The following TRIM31 variants were observed in gnomAD, a reference collection of about 807,000 sequenced individuals.
TRIM31 encodes the protein tripartite motif containing 31, also known as E3 ubiquitin-protein ligase TRIM31.
A neutral mutation model predicts 40.6 loss-of-function variants in TRIM31; 31 were observed. The ratio of observed to expected loss-of-function variants is 0.76; its 90% CI spans 0.57 to 1.03. The LOEUF (loss-of-function observed/expected upper bound fraction) is 1.03, where lower values mean the gene tolerates loss of function less well. TRIM31 is among the 50% of genes least tolerant of loss of function. TRIM31 has a pLI of 0.00. For synonymous variants in TRIM31, 164 were observed against 193.9 expected (o/e 0.85, Z 1.28); for missense variants, 455 against 497.5 (o/e 0.91, Z 0.81).
Position 30,108,119 on chromosome 6 carries a change from C to T in TRIM31, c.817G>A (p.Glu273Lys). The T allele has an allele frequency of 6.2e-7, 1 of 1,610,000 alleles. No homozygotes were observed. Among genetic ancestry groups the T allele is most frequent in the Non-Finnish European group, 8.5e-7 (1 of 1,178,068 alleles). ...GATTTTGCTTCACTGAGTTTTTTCT[C>T]CAGTTCCAGAGGAACAGGGGTTGGG... ...LNPTPVPLEL[E>K]KKLSEAKSRH... Residue 273 changes from glutamate (E) to lysine (K), a missense_variant, in exon 6 of 9, where the codon GAG becomes AAG. Transcript: ENST00000376734.
intron 8 of TRIM31, 104 bp downstream of exon 8, chr6:30,103,998 C>CATTCATTT: frequency 1.5e-6 from 2 of 1,374,148 alleles, no homozygotes; most frequent in Non-Finnish European, 2.0e-6. Context: ...TAAATGAATT[C>CATTCATTT]ATTCATTTAT....
At chr6:30,112,116 T>C (rs4959042) in intron 2 of TRIM31, 9,476 of 561,042 alleles carry the variant, frequency 0.017, 231 homozygotes, top group East Asian at 0.058. Flanking sequence ...CCTTGCAGGT[T>C]GTACAGTAAA....
intron 4 of TRIM31, among the ~76,000 whole-genome samples, chr6:30,109,332 G>GC (rs9280893): frequency 0.25 from 37,968 of 152,164 alleles, 5,272 homozygotes; most frequent in Non-Finnish European, 0.31. Flanking sequence ...GAACAAGGGA[G>GC]CCTGCTAGCC....
At position 30,103,599 on chromosome 6, in the gene TRIM31, A is replaced by T. The variant is rs751644208; in HGVS notation, c.1215T>A (p.His405Gln). Residue 405 changes from histidine (H) to glutamine (Q), a missense_variant, in exon 9 of 9, where the codon CAT becomes CAA. Physicochemically the swap from His to Gln is conservative, Grantham distance 24. Coordinates refer to ENST00000376734, the MANE Select transcript of TRIM31 (RefSeq NM_007028.5). ...CTGTCAGCCACTCACTCAGTGCCGC[A>T]TGGAGCTCCTCGGACAGCGCAACGT... ...TFDVALSEEL[H>Q]AALSEWLTAI... is the part of the protein sequence containing the mutation. 13 of 1,613,008 alleles carry T rather than the reference A, an allele frequency of 8.1e-6. No individual in the cohort carries two copies. Among genetic ancestry groups the T allele is most frequent in the Non-Finnish European group, 1.0e-5 (12 of 1,180,048 alleles).
chr6:30,112,373 A>G lies in TRIM31; in HGVS notation c.417+16T>C. The stretch of plus-strand genomic sequence containing the variant: ...TGGGCTGATGGGGGAACAGGGAAGA[A>G]ACCTCAAATGCCTACCTGATAATTC... On this transcript the variant is annotated intron_variant, in intron 2 of 8. Transcript: ENST00000376734. The G allele has an allele frequency of 6.3e-7, 1 of 1,594,382 alleles. No individual in the cohort carries two copies. The highest frequency in any genetic ancestry group is 1.3e-5 in the African/African-American group (1 of 74,546).
At chr6:30,111,781 A>C (rs758394366) in intron 2 of TRIM31, 38 bp from the exon 3 acceptor site, 2 of 1,602,282 alleles carry the variant, frequency 1.2e-6, no homozygotes, top group African/African-American at 2.7e-5. Context: ...CTGTGCCTGG[A>C]GATTTCTGGC....
In TRIM31 at chr6:30,113,050, A is replaced by C; in HGVS notation, c.-84+14T>G. On this transcript the variant is annotated intron_variant, in intron 1 of 8. Transcript: ENST00000376734. Reference sequence around the variant, plus strand: ...AAATATTATAAAGAGAGGAAAACAGATGGGCAGTCCTACCTTGCTACCTCT... The same window carrying C: ...AAATATTATAAAGAGAGGAAAACAGCTGGGCAGTCCTACCTTGCTACCTCT... 4 of 490,004 alleles carry C rather than the reference A, an allele frequency of 8.2e-6. No homozygotes were observed. Among genetic ancestry groups the C allele is most frequent in the Non-Finnish European group, 1.1e-5 (3 of 282,212 alleles). 30.4% of individuals were successfully genotyped at this position (490,004 alleles called of 1,614,324 possible). A position where few individuals can be genotyped will look rare whatever the true frequency, so the allele number is the denominator to read the frequency against.
intron 4 of TRIM31, 61 bp downstream of exon 4, chr6:30,110,387 T>C: frequency 6.5e-7 from 1 of 1,540,166 alleles, no homozygotes; most frequent in Non-Finnish European, 8.9e-7. Flanking sequence ...TGGTCCATGC[T>C]CTGACCTGAG....
Position 30,110,508 on chromosome 6 carries a change from G to A in TRIM31, c.684C>T (p.Leu228=). The part of the protein sequence containing the change: ...VASTEPQLND[L]KKLVDSLKTK... ...TCTTCAGGGAATCAACGAGCTTCTT[G>A]AGATCGTTCAACTGTGGCTCAGTGG... Residue 228 remains leucine (L), a synonymous_variant, in exon 4 of 9, where the codon CTC becomes CTT. Coordinates refer to ENST00000376734, the MANE Select transcript of TRIM31 (RefSeq NM_007028.5). The A allele has an allele frequency of 3.1e-6, 5 of 1,614,170 alleles. No individual in the cohort carries two copies. The highest frequency in any genetic ancestry group is 4.2e-6 in the Non-Finnish European group (5 of 1,180,024).
chr6:30,110,831 A>G (rs11757693), intron 3 of TRIM31, among the ~76,000 whole-genome samples, 153 bp from the exon 4 acceptor site: 1 of 152,210 alleles, frequency 6.6e-6, no homozygotes, highest in Non-Finnish European at 1.5e-5. Flanking sequence ...GGAGAGGAGA[A>G]CAAACTTCTA....
At position 30,103,398 on chromosome 6, in the gene TRIM31, C is replaced by G. The variant is rs1417198440; in HGVS notation, c.*138G>C. ...GCCCCCATCTCCACTCTCAGTAGCCCGAGCCCTCCCATTCTCCACTCCTTC... is the reference window on the plus strand; with the variant it reads ...GCCCCCATCTCCACTCTCAGTAGCCGGAGCCCTCCCATTCTCCACTCCTTC... On this transcript the variant is annotated 3_prime_UTR_variant, in exon 9 of 9. Coordinates refer to ENST00000376734, the MANE Select transcript of TRIM31 (RefSeq NM_007028.5). 1.5e-6 allele frequency: 2 copies of G among 1,302,378 alleles called. No homozygotes were observed. Among genetic ancestry groups the G allele is most frequent in the Non-Finnish European group, 2.1e-6 (2 of 944,844 alleles). The allele number at this position is 1,302,378 out of a possible 1,614,324, so 80.7% of individuals were successfully genotyped here. A position where few individuals can be genotyped will look rare whatever the true frequency, so the allele number is the denominator to read the frequency against.
chr6:30,110,407 G>C, intron 4 of TRIM31, 41 bp downstream of exon 4: 1 of 1,591,048 alleles, frequency 6.3e-7, no homozygotes, highest in Non-Finnish European at 8.6e-7. Context: ...GACTAGGGAT[G>C]GGCTGCTACC....
At chr6:30,108,816 G>C (rs575143864) in intron 5 of TRIM31, 16 of 632,860 alleles carry the variant, frequency 2.5e-5, no homozygotes, top group African/African-American at 1.8e-5. Flanking sequence ...AAGGAGGAAG[G>C]CTGAGAAAAC....
chr6:30,110,696 G>A lies in TRIM31; in HGVS notation c.514-18C>T, dbSNP rs1362862205. On this transcript the variant is annotated intron_variant, in intron 3 of 8. Coordinates refer to ENST00000376734, the MANE Select transcript of TRIM31 (RefSeq NM_007028.5). ...ACCTGGTCCTAAGAAACAGGGACAGGCAGAGGGTGAGAGGATGGCCTCGAA... is the reference window on the plus strand; with the variant it reads ...ACCTGGTCCTAAGAAACAGGGACAGACAGAGGGTGAGAGGATGGCCTCGAA... The A allele has an allele frequency of 1.2e-6, 2 of 1,612,130 alleles. No homozygotes were observed. The highest frequency in any genetic ancestry group is 1.7e-5 in the Admixed American group (1 of 60,014).
intron 1 of TRIM31, 70 bp downstream of exon 1, chr6:30,112,994 T>C: frequency 5.5e-6 from 3 of 548,846 alleles, no homozygotes; most frequent in Non-Finnish European, 9.2e-6. Context: ...AATAAAGAAA[T>C]GATAGAAAAG....
chr6:30,104,101 C>T lies in TRIM31; in HGVS notation c.1024+1G>A. 6.2e-7 allele frequency: 1 copy of T among 1,613,008 alleles called. No homozygotes were observed. The highest frequency in any genetic ancestry group is 1.3e-5 in the African/African-American group (1 of 75,026). ...TTAGTATTCAGAGACAGGACTCTTACCTGCAGAAGATGACCCGGGCTCTGA... is the reference window on the plus strand; with the variant it reads ...TTAGTATTCAGAGACAGGACTCTTATCTGCAGAAGATGACCCGGGCTCTGA... On this transcript the variant is annotated splice_donor_variant, in intron 8 of 8. Coordinates refer to ENST00000376734, the MANE Select transcript of TRIM31 (RefSeq NM_007028.5). LOFTEE classifies it high-confidence loss of function.
chr6:30,105,123 C>A, intron 7 of TRIM31, 45 bp downstream of exon 7: 1 of 1,559,104 alleles, frequency 6.4e-7, no homozygotes, highest in Non-Finnish European at 8.8e-7. Flanking sequence ...CCTTTTCTCA[C>A]TTTCCCCAAA....
intron 6 of TRIM31, among the ~76,000 whole-genome samples, chr6:30,105,936 C>G (rs1018646994): frequency 6.6e-6 from 1 of 152,210 alleles, no homozygotes; most frequent in African/African-American, 2.4e-5. Flanking sequence ...CAGTCCTGCC[C>G]TCTTTCCCAT....
chr6:30,112,770 C>T lies in TRIM31; in HGVS notation c.36G>A (p.Glu12=), dbSNP rs752654949. 1.2e-6 allele frequency: 2 copies of T among 1,612,038 alleles called. No homozygotes were observed. The highest frequency in any genetic ancestry group is 8.5e-7 in the Non-Finnish European group (1 of 1,179,560). ...ASGQFVNKLQ[E]EVICPICLDI... Reference sequence around the variant, plus strand: ...CCAGGCAGATGGGGCAGATCACTTCCTCTTGCAGTTTGTTCACAAACTGCC... The same window carrying T: ...CCAGGCAGATGGGGCAGATCACTTCTTCTTGCAGTTTGTTCACAAACTGCC... The change falls in exon 2 of 9, where the codon GAG becomes GAA. Residue 12 remains glutamate (E), a synonymous_variant. Transcript: ENST00000376734.
Sources: allele counts gnomAD v4.1 joint callset (sites outside exome capture counted in the v4.1 genomes callset), GRCh38; gene constraint gnomAD v4.1.1; transcripts MANE v1.5; gene names NCBI Gene and HGNC (gene_info 2026-07-23, HGNC 2026-07-21).